The following TMEM150C variants were observed in gnomAD, a reference collection of about 807,000 sequenced individuals.
TMEM150C encodes the protein transmembrane protein 150C.
A neutral mutation model predicts 29.9 loss-of-function variants in TMEM150C; 10 were observed. The ratio of observed to expected loss-of-function variants is 0.33; its 90% CI spans 0.21 to 0.57. TMEM150C has a LOEUF of 0.57. Ranked by LOEUF, TMEM150C falls within the 20% of genes least tolerant of loss-of-function variation. The probability of loss-of-function intolerance (pLI) is 0.88; values close to 1 mark genes in which losing one functional copy is unlikely to be tolerated. For synonymous variants in TMEM150C, 101 were observed against 112.5 expected (o/e 0.90, Z 0.64); for missense variants, 251 against 303.6 (o/e 0.83, Z 1.29).
At chr4:82,534,693 G>A (rs932818642) in intron 1 of TMEM150C, among the ~76,000 whole-genome samples, 2 of 152,134 alleles carry the variant, frequency 1.3e-5, no homozygotes, top group African/African-American at 4.8e-5. Flanking sequence ...GGAGCAGAGG[G>A]AGGGTAAGTT....
At chr4:82,548,256 C>A (rs1285066367) in intron 1 of TMEM150C, among the ~76,000 whole-genome samples, 1 of 152,074 alleles carries the variant, frequency 6.6e-6, no homozygotes, top group Non-Finnish European at 1.5e-5. Flanking sequence ...GTGATGAGAA[C>A]AATTGTATCC....
chr4:82,562,234 G>C, upstream of TMEM150C: 1 of 1,283,592 alleles, frequency 7.8e-7, no homozygotes, highest in Non-Finnish European at 1.0e-6. Flanking sequence ...TTTGCCTGGC[G>C]CTCCTCATCC....
At chr4:82,540,128 T>C (rs1374666889) in intron 1 of TMEM150C, among the ~76,000 whole-genome samples, 21 of 82,200 alleles carry the variant, frequency 2.6e-4, no homozygotes, top group African/African-American at 1.1e-3. Flanking sequence ...TTTTTTTTTT[T>C]TTTTTTTTTT....
chr4:82,548,747 G>A (rs1040808992), intron 1 of TMEM150C, among the ~76,000 whole-genome samples: 1 of 152,234 alleles, frequency 6.6e-6, no homozygotes, highest in African/African-American at 2.4e-5. Context: ...GGCAGGTGGT[G>A]GGCAAGCGAG....
At chr4:82,519,933 CTG>C (rs1006947144) in intron 1 of TMEM150C, among the ~76,000 whole-genome samples, 41 of 152,276 alleles carry the variant, frequency 2.7e-4, no homozygotes, top group African/African-American at 9.4e-4. Context: ...GTAACTGAAA[CTG>C]TGGAAAGTGA....
intron 1 of TMEM150C, among the ~76,000 whole-genome samples, chr4:82,512,821 T>C (rs1724171264): frequency 6.6e-6 from 1 of 152,116 alleles, no homozygotes; most frequent in Non-Finnish European, 1.5e-5. Context: ...TTTTTAGAAG[T>C]TTAAAAAGCC....
In TMEM150C at chr4:82,503,126, A is replaced by G. The variant is rs754288212; in HGVS notation, c.81-14T>C. 1.3e-5 allele frequency: 20 copies of G among 1,565,010 alleles called. No homozygotes were observed. In the Admixed American group the frequency reaches 3.5e-4, roughly 27 times the overall value. On this transcript the variant is annotated splice_polypyrimidine_tract_variant and intron_variant, in intron 2 of 7. Transcript: ENST00000449862. Reference sequence around the variant, plus strand: ...GCTATGAAGTATCTATCAAAAAAGAATAAGTTTATAGAACAAAGAAATTGG... The same window carrying G: ...GCTATGAAGTATCTATCAAAAAAGAGTAAGTTTATAGAACAAAGAAATTGG...
chr4:82,556,992 C>T (rs1725757488), intron 1 of TMEM150C, among the ~76,000 whole-genome samples: 1 of 152,076 alleles, frequency 6.6e-6, no homozygotes, highest in Non-Finnish European at 1.5e-5. Context: ...AGGGGAACCC[C>T]CAGGACCCTG....
chr4:82,532,922 G>A (rs986791265), intron 1 of TMEM150C, among the ~76,000 whole-genome samples: 4 of 151,988 alleles, frequency 2.6e-5, no homozygotes, highest in African/African-American at 9.7e-5. Context: ...TACAGACAGG[G>A]TTTCACTGTG....
In TMEM150C at chr4:82,503,062, T is replaced by C; in HGVS notation, c.131A>G (p.Glu44Gly). 3 of 1,612,858 alleles carry C rather than the reference T, an allele frequency of 1.9e-6. No homozygotes were observed. Among genetic ancestry groups the C allele is most frequent in the Non-Finnish European group, 2.5e-6 (3 of 1,179,468 alleles). ...ATTACCCACAGATAAACTTTACCTT[T>C]CAGCTGAATTTAATGGTAAAATTTT... ...DDKILPLNSAERKPGVKHAPY... is the reference protein window; with the variant it reads ...DDKILPLNSAGRKPGVKHAPY... Residue 44 changes from glutamate (E) to glycine (G), a missense_variant, in exon 3 of 8, where the codon GAA (glutamate) becomes GGA (glycine). Physicochemically the swap from Glu to Gly is moderately conservative, Grantham distance 98. Transcript: ENST00000449862.
In TMEM150C at chr4:82,520,920, AC is replaced by A. The variant is rs1724462274; in HGVS notation, c.-10-16254del. ...ACACACAAAAACTGGCTAAGCCCCT[AC>A]CTCAGAGCAACCGTCCCTTCCTCTC... is the stretch of plus-strand genomic sequence containing the variant. On this transcript the variant is annotated intron_variant, in intron 1 of 7. Transcript: ENST00000449862. Among the ~76,000 whole-genome samples the A allele has an allele frequency of 4.6e-5, 7 of 152,018 alleles. 1 individual carries two copies. In the South Asian group the frequency reaches 1.2e-3, roughly 27 times the overall value.
chr4:82,485,550 G>A lies in TMEM150C; in HGVS notation c.711C>T (p.Ser237=). Reference sequence around the variant, plus strand: ...TCTGATATTCAGAAGCTTCTGACAGGCTTTCTGAGAAGCTTAGGAAATTCT... The same window carrying A: ...TCTGATATTCAGAAGCTTCTGACAGACTTTCTGAGAAGCTTAGGAAATTCT... The part of the protein sequence containing the change: ...YQENFLSFSE[S]LSEASEYQTD... The change falls in exon 8 of 8, where the codon AGC becomes AGT. Residue 237 remains serine (S), a synonymous_variant. Coordinates refer to ENST00000449862, the MANE Select transcript of TMEM150C (RefSeq NM_001080506.3). 1 of 1,609,098 alleles carries A rather than the reference G, an allele frequency of 6.2e-7. No homozygotes were observed. The highest frequency in any genetic ancestry group is 2.2e-5 in the East Asian group (1 of 44,792).
At chr4:82,550,663 C>G (rs1214906724) in intron 1 of TMEM150C, among the ~76,000 whole-genome samples, 1 of 151,978 alleles carries the variant, frequency 6.6e-6, no homozygotes, top group African/African-American at 2.4e-5. Context: ...GTGGCGGGCA[C>G]CGGTAGTCCC....
At chr4:82,557,734 CTTT>C (rs767919077) in intron 1 of TMEM150C, among the ~76,000 whole-genome samples, 11 of 131,340 alleles carry the variant, frequency 8.4e-5, no homozygotes, top group Non-Finnish European at 9.6e-5. Flanking sequence ...TTTTCTTTTT[CTTT>C]TTTTTTTTTT....
intron 1 of TMEM150C, among the ~76,000 whole-genome samples, chr4:82,537,194 C>G (rs1460696078): frequency 6.6e-6 from 1 of 152,076 alleles, no homozygotes; most frequent in Non-Finnish European, 1.5e-5. Context: ...ACTGTGTTAG[C>G]CAGGATGGTC....
At chr4:82,491,147 G>A (rs762503522) in intron 6 of TMEM150C, 10 of 702,296 alleles carry the variant, frequency 1.4e-5, no homozygotes, top group Admixed American at 3.9e-5. Context: ...GATCCACATC[G>A]TGTGCAATCA....
chr4:82,520,196 G>C (rs968737490), intron 1 of TMEM150C, among the ~76,000 whole-genome samples: 2 of 152,198 alleles, frequency 1.3e-5, no homozygotes, highest in Admixed American at 6.5e-5. Flanking sequence ...ATGCCCAGTA[G>C]TGCCATGCCT....
rs567469021 is a variant in TMEM150C, at chr4:82,536,356, C to CAA, written c.-11+25548_-11+25549dup. ...CTGGCAACAGAGCGAGACTCCATCT[C>CAA]AAAAAAAAAAAAAAAAAAAAAAGAA... On this transcript the variant is annotated intron_variant, in intron 1 of 7. Coordinates refer to ENST00000449862, the MANE Select transcript of TMEM150C (RefSeq NM_001080506.3). 4.0e-3 allele frequency among the ~76,000 whole-genome samples: 320 copies of CAA among 79,700 alleles called. 1 individual carries two copies. The highest frequency in any genetic ancestry group is 5.1e-3 in the African/African-American group (163 of 31,674). The allele number at this position is 79,700 out of a possible 152,430, so 52.3% of individuals were successfully genotyped here.
At chr4:82,541,514 C>T (rs1178456038) in intron 1 of TMEM150C, among the ~76,000 whole-genome samples, 1 of 152,082 alleles carries the variant, frequency 6.6e-6, no homozygotes, top group Non-Finnish European at 1.5e-5. Flanking sequence ...ACTCTAGCAA[C>T]AACATTTTAT....
Sources: allele counts gnomAD v4.1 joint callset (sites outside exome capture counted in the v4.1 genomes callset), GRCh38; gene constraint gnomAD v4.1.1; transcripts MANE v1.5; gene names NCBI Gene and HGNC (gene_info 2026-07-23, HGNC 2026-07-21).